Variants in BANK1 observed in about 807,000 individuals in gnomAD.
BANK1 encodes B-cell scaffold protein with ankyrin repeats.
BANK1 carries 95 observed loss-of-function variants against 94.5 expected under a neutral mutation model. That is an observed-to-expected ratio of 1.00 (90% CI 0.85 to 1.19). The LOEUF (loss-of-function observed/expected upper bound fraction) is 1.19, where lower values mean the gene tolerates loss of function less well. Among genes scored for constraint, BANK1 ranks in the 50% most tolerant of loss-of-function variants. The probability of loss-of-function intolerance (pLI) is 0.00; values close to 1 mark genes in which losing one functional copy is unlikely to be tolerated. For missense variants in BANK1, 987 were observed against 932.2 expected (o/e 1.06, Z -0.77); for synonymous variants, 334 against 308.4 (o/e 1.08, Z -0.87).
chr4:102,048,797 T>C (rs1727961334), intron 11 of BANK1, among the ~76,000 whole-genome samples: 1 of 152,176 alleles, frequency 6.6e-6, no homozygotes, highest in South Asian at 2.1e-4. Flanking sequence ...AGTTACATTA[T>C]TGCTAAGTCA....
At chr4:101,930,483 C>T (rs1033510530) in intron 7 of BANK1, among the ~76,000 whole-genome samples, 16 of 151,312 alleles carry the variant, frequency 1.1e-4, no homozygotes, top group African/African-American at 3.4e-4. Flanking sequence ...TATTATCTGT[C>T]CTTCTTCAAA....
At chr4:101,817,809 A>G (rs1349176305) in intron 1 of BANK1, among the ~76,000 whole-genome samples, 1 of 151,694 alleles carries the variant, frequency 6.6e-6, no homozygotes, top group Non-Finnish European at 1.5e-5. Flanking sequence ...AGATTTGTAA[A>G]CTTTCTTAAA....
At chr4:102,025,116 T>C (rs1727039067) in intron 8 of BANK1, 85 bp from the exon 9 acceptor site, 1 of 1,408,328 alleles carries the variant, frequency 7.1e-7, no homozygotes, top group African/African-American at 1.4e-5. Flanking sequence ...TTAGCAGTAC[T>C]ACTATTTCTG....
chr4:101,916,034 A>G (rs1415288686), intron 6 of BANK1, among the ~76,000 whole-genome samples: 1 of 152,070 alleles, frequency 6.6e-6, no homozygotes, highest in Non-Finnish European at 1.5e-5. Flanking sequence ...TGTTTCTTCA[A>G]CTTTTCAGCT....
chr4:102,067,930 G>A (rs1223780546), intron 13 of BANK1, among the ~76,000 whole-genome samples: 1 of 152,000 alleles, frequency 6.6e-6, no homozygotes, highest in Non-Finnish European at 1.5e-5. Flanking sequence ...TCTAAAGACT[G>A]AAACCTTCAG....
chr4:101,822,375 A>T (rs1003038175), intron 1 of BANK1, among the ~76,000 whole-genome samples: 1 of 152,074 alleles, frequency 6.6e-6, no homozygotes, highest in Non-Finnish European at 1.5e-5. Flanking sequence ...AAAGAAAAAA[A>T]AAAGGCACTT....
chr4:102,036,982 A>G (rs1727532611), intron 10 of BANK1: 1 of 152,230 alleles, frequency 6.6e-6, no homozygotes, highest in Non-Finnish European at 1.5e-5. Context: ...TACACAAGAC[A>G]ATGAATGCAA....
intron 2 of BANK1, among the ~76,000 whole-genome samples, chr4:101,837,157 A>G (rs77966130): frequency 0.061 from 9,304 of 152,268 alleles, 692 homozygotes; most frequent in South Asian, 0.17. Context: ...AGGATTTAAA[A>G]CACTTACTTT....
At chr4:101,976,937 G>A (rs1725153312) in intron 7 of BANK1, 1 of 152,052 alleles carries the variant, frequency 6.6e-6, no homozygotes, top group Non-Finnish European at 1.5e-5. Flanking sequence ...TATAACAAAA[G>A]TAATAATATG....
At chr4:101,804,719 A>G (rs1328770498) in intron 1 of BANK1, among the ~76,000 whole-genome samples, 1 of 152,052 alleles carries the variant, frequency 6.6e-6, no homozygotes, top group African/African-American at 2.4e-5. Flanking sequence ...TCTTAATAAC[A>G]CTTTCTTTTC....
intron 7 of BANK1, among the ~76,000 whole-genome samples, chr4:101,943,805 T>C (rs573362502): frequency 1.7e-4 from 26 of 151,890 alleles, no homozygotes; most frequent in Admixed American, 9.9e-4. Flanking sequence ...TTCATTGTTA[T>C]GAAATGCTCA....
intron 7 of BANK1, among the ~76,000 whole-genome samples, chr4:101,979,133 A>T: frequency 6.6e-6 from 1 of 152,054 alleles, no homozygotes; most frequent in East Asian, 1.9e-4. Flanking sequence ...GAAATATAAG[A>T]TGAGAAGAAA....
At chr4:102,015,843 T>C (rs1159533171) in intron 7 of BANK1, among the ~76,000 whole-genome samples, 1 of 152,170 alleles carries the variant, frequency 6.6e-6, no homozygotes, top group Non-Finnish European at 1.5e-5. Flanking sequence ...CTTCTCCCTC[T>C]TACCCACTGT....
At chr4:101,945,167 G>T (rs895734938) in intron 7 of BANK1, among the ~76,000 whole-genome samples, 3 of 151,906 alleles carry the variant, frequency 2.0e-5, no homozygotes, top group African/African-American at 7.2e-5. Context: ...GCCCCCTTTG[G>T]AGACTTTAAA....
intron 6 of BANK1, among the ~76,000 whole-genome samples, chr4:101,911,137 C>A (rs1388872820): frequency 6.6e-6 from 1 of 152,188 alleles, no homozygotes. Flanking sequence ...TGGTAAGTGG[C>A]AGAGCTGGGA....
chr4:101,856,022 A>G (rs1560603567), intron 3 of BANK1, among the ~76,000 whole-genome samples: 1 of 152,186 alleles, frequency 6.6e-6, no homozygotes, highest in Non-Finnish European at 1.5e-5. Context: ...CCTTGAGTAT[A>G]AAGAGCCAGA....
chr4:101,877,042 T>A (rs1728516877), intron 5 of BANK1, among the ~76,000 whole-genome samples: 1 of 151,724 alleles, frequency 6.6e-6, no homozygotes, highest in African/African-American at 2.4e-5. Flanking sequence ...TCAGGCACAC[T>A]TATGGGATCT....
chr4:101,982,741 G>A, intron 7 of BANK1, among the ~76,000 whole-genome samples: 1 of 151,786 alleles, frequency 6.6e-6, no homozygotes. Context: ...GAGAGCAGCA[G>A]TTGTATCATA....
At chr4:102,021,703 C>T (rs530532031) in intron 8 of BANK1, 111 bp downstream of exon 8, 31 of 406,178 alleles carry the variant, frequency 7.6e-5, no homozygotes, top group African/African-American at 3.8e-4. Flanking sequence ...GAATGTGGCA[C>T]GGTATTTAAT....
Sources: gnomAD v4.1 joint callset for allele counts (sites outside exome capture counted in the v4.1 genomes callset) on GRCh38, gnomAD v4.1.1 for gene constraint, MANE v1.5 for transcripts, NCBI Gene and HGNC (gene_info 2026-07-23, HGNC 2026-07-21) for gene names.